The following COX7A2L variants were observed in gnomAD, a reference collection of about 807,000 sequenced individuals.
COX7A2L encodes cytochrome c oxidase subunit 7A2-like, mitochondrial.
In COX7A2L, 18 loss-of-function variants were observed where a neutral mutation model predicts 14.2. The observed-to-expected ratio is 1.27, with a 90% CI of 0.88 to 1.88. The LOEUF (loss-of-function observed/expected upper bound fraction) is 1.88, where lower values mean the gene tolerates loss of function less well. COX7A2L is among the 40% of genes most tolerant of loss of function. The pLI is 0.00. For missense variants in COX7A2L, 179 were observed against 138.8 expected (o/e 1.29, Z -1.46); for synonymous variants, 65 against 57.4 (o/e 1.13, Z -0.60).
intron 2 of COX7A2L, among the ~76,000 whole-genome samples, chr2:42,343,467 G>T (rs1457488545): frequency 6.6e-6 from 1 of 152,190 alleles, no homozygotes; most frequent in East Asian, 1.9e-4. Context: ...GTGGGTTAGG[G>T]AGTCCCTGAG....
chr2:42,368,402 T>C (rs1671208927), intron 1 of COX7A2L, among the ~76,000 whole-genome samples: 1 of 152,224 alleles, frequency 6.6e-6, no homozygotes, highest in African/African-American at 2.4e-5. Context: ...ATAAATGATT[T>C]AGTAATATGA....
upstream of COX7A2L, among the ~76,000 whole-genome samples, chr2:42,363,044 T>C (rs1558638124): frequency 2.0e-5 from 3 of 151,686 alleles, no homozygotes; most frequent in South Asian, 6.3e-4. Flanking sequence ...CTGGCTAATT[T>C]TTTGTATTTT....
chr2:42,363,067 G>C (rs143448557), upstream of COX7A2L, among the ~76,000 whole-genome samples: 1,101 of 151,728 alleles, frequency 7.3e-3, 13 homozygotes, highest in African/African-American at 0.025. Context: ...GTAGAGATGG[G>C]GTTTCACCAT....
chr2:42,361,018 C>T (rs763458877), intron 1 of COX7A2L, 72 bp downstream of exon 1: 18 of 1,551,926 alleles, frequency 1.2e-5, no homozygotes, highest in Admixed American at 1.8e-5. Flanking sequence ...CTGGCTCCAA[C>T]GCCGCGACTG....
At chr2:42,344,161 A>AAGT (rs1285691801) in intron 2 of COX7A2L, among the ~76,000 whole-genome samples, 2 of 152,234 alleles carry the variant, frequency 1.3e-5, no homozygotes, top group Non-Finnish European at 2.9e-5. Context: ...TAGTTGCAAA[A>AAGT]AGTATAGTTT....
At chr2:42,352,632 T>C (rs765123759) in intron 2 of COX7A2L, among the ~76,000 whole-genome samples, 2 of 152,180 alleles carry the variant, frequency 1.3e-5, no homozygotes, top group African/African-American at 2.4e-5. Flanking sequence ...CTTACAGCAA[T>C]AGCAGTAGCA....
Position 42,339,615 on chromosome 2 carries a change from CCTTT to C in COX7A2L, c.193-5750_193-5747del, listed in dbSNP as rs554433735. Among the ~76,000 whole-genome samples, 40 of 152,304 alleles carry C rather than the reference CCTTT, an allele frequency of 2.6e-4. No homozygotes were observed. The East Asian group carries it at 6.2e-3, about 24-fold the overall frequency. ...TCCCTCCCTCCTGCCTTGCTTTCCT[CCTTT>C]CTTATTTTTAACACTTTTTAAATTT... On this transcript the variant is annotated intron_variant, in intron 2 of 2. Coordinates refer to the COX7A2L transcript ENST00000468711. This position sits in a 1 kb window ranked among gnomAD's most constrained non-coding sequence, Gnocchi z 5.4.
chr2:42,351,141 A>C lies in COX7A2L; in HGVS notation c.*78T>G. 6.8e-7 allele frequency: 1 copy of C among 1,465,928 alleles called. No homozygotes were observed. The highest frequency in any genetic ancestry group is 9.1e-7 in the Non-Finnish European group (1 of 1,097,672). The allele number at this position is 1,465,928 out of a possible 1,614,324, so 90.8% of individuals were successfully genotyped here. On this transcript the variant is annotated 3_prime_UTR_variant, in exon 3 of 3. Coordinates refer to ENST00000234301, the MANE Select transcript of COX7A2L (RefSeq NM_004718.4). ...AATGTTAAGCCATCCAAGTAAAAAAAAAAATTTTAATTTAACAATGAAAAA... is the reference window on the plus strand; with the variant it reads ...AATGTTAAGCCATCCAAGTAAAAAACAAAATTTTAATTTAACAATGAAAAA...
chr2:42,364,159 G>A (rs1671112517), upstream of COX7A2L, among the ~76,000 whole-genome samples: 1 of 151,548 alleles, frequency 6.6e-6, no homozygotes, highest in African/African-American at 2.4e-5. Context: ...GCTGAGGCAG[G>A]AGAATGGCGT....
chr2:42,360,082 G>C (rs1670973826), intron 1 of COX7A2L: 1 of 152,190 alleles, frequency 6.6e-6, no homozygotes, highest in African/African-American at 2.4e-5. Flanking sequence ...CACAGAAAAA[G>C]GAAATGAAGC....
upstream of COX7A2L, among the ~76,000 whole-genome samples, chr2:42,363,000 G>C (rs1036996845): frequency 6.6e-5 from 10 of 151,334 alleles, no homozygotes; most frequent in Admixed American, 2.6e-4. Context: ...TCAGTCTCCC[G>C]GGTAGCTGGA....
chr2:42,358,492 G>A (rs1157380791), intron 1 of COX7A2L, among the ~76,000 whole-genome samples: 2 of 152,146 alleles, frequency 1.3e-5, no homozygotes, highest in Non-Finnish European at 2.9e-5. Context: ...ATGTTTCCAG[G>A]AAAGGAAAAA....
At chr2:42,337,907 G>A (rs1173723592) in intron 2 of COX7A2L, among the ~76,000 whole-genome samples, 5 of 152,184 alleles carry the variant, frequency 3.3e-5, no homozygotes, top group African/African-American at 1.2e-4. Flanking sequence ...CGGACCGTGG[G>A]ACCAAGCGGT....
intron 2 of COX7A2L, among the ~76,000 whole-genome samples, chr2:42,336,703 T>G (rs1670281311): frequency 6.6e-6 from 1 of 152,172 alleles, no homozygotes; most frequent in African/African-American, 2.4e-5. Context: ...TAGAGCTCTG[T>G]TTCAATTGAC....
intron 2 of COX7A2L, among the ~76,000 whole-genome samples, chr2:42,335,608 G>A (rs1009064189): frequency 2.0e-5 from 3 of 152,122 alleles, no homozygotes; most frequent in Non-Finnish European, 4.4e-5. Context: ...TACTAAATTC[G>A]ATTATCTCCA....
intron 2 of COX7A2L, among the ~76,000 whole-genome samples, chr2:42,343,957 C>T (rs988942673): frequency 6.6e-6 from 1 of 152,114 alleles, no homozygotes; most frequent in African/African-American, 2.4e-5. Context: ...AGAAGGAGAG[C>T]GAAAGCTAGT....
chr2:42,358,480 G>C (rs956745198), intron 1 of COX7A2L, among the ~76,000 whole-genome samples: 1 of 152,146 alleles, frequency 6.6e-6, no homozygotes, highest in Non-Finnish European at 1.5e-5. Flanking sequence ...CATCTTCATC[G>C]TATGTTTCCA....
upstream of COX7A2L, among the ~76,000 whole-genome samples, chr2:42,363,696 A>G (rs1449389086): frequency 6.6e-6 from 1 of 152,190 alleles, no homozygotes; most frequent in Admixed American, 6.5e-5. Context: ...GTACTAAGGC[A>G]CCCTATTCTC....
rs1301910603 is a variant in COX7A2L at position 42,349,847 on chromosome 2, T to A, written c.*1372A>T. On this transcript the variant is annotated 3_prime_UTR_variant, in exon 3 of 3. Transcript: ENST00000234301. ...TAATTCCCTAACAATCTTAAATGACTCAACAAAAAACAGATCTATGTGTGT... is the reference window on the plus strand; with the variant it reads ...TAATTCCCTAACAATCTTAAATGACACAACAAAAAACAGATCTATGTGTGT... The A allele has an allele frequency of 2.6e-5, 4 of 152,106 alleles. No homozygotes were observed. The highest frequency in any genetic ancestry group is 9.7e-5 in the African/African-American group (4 of 41,416). 9.4% of individuals were successfully genotyped at this position (152,106 alleles called of 1,614,324 possible).
Sources: allele counts gnomAD v4.1 joint callset (sites outside exome capture counted in the v4.1 genomes callset), GRCh38; gene constraint gnomAD v4.1.1; non-coding constraint Gnocchi (gnomAD v3.1); transcripts MANE v1.5; gene names NCBI Gene and HGNC (gene_info 2026-07-23, HGNC 2026-07-21).